The following LAMA4 variants were observed in gnomAD, a reference collection of about 807,000 sequenced individuals.
The protein encoded by LAMA4 is laminin subunit alpha 4.
In LAMA4, 127 loss-of-function variants were observed where a neutral mutation model predicts 207.1. The ratio of observed to expected loss-of-function variants is 0.61; its 90% confidence interval spans 0.53 to 0.71. LAMA4 has a LOEUF of 0.71. LAMA4 is among the 30% of genes least tolerant of loss of function. The probability of loss-of-function intolerance (pLI) is 0.00; values close to 1 mark genes in which losing one functional copy is unlikely to be tolerated. For missense variants in LAMA4, 2,093 were observed against 2,246.5 expected (o/e 0.93, Z 1.38); for synonymous variants, 761 against 816.0 (o/e 0.93, Z 1.15).
intron 31 of LAMA4, among the ~76,000 whole-genome samples, chr6:112,124,240 C>T (rs1390050756): frequency 3.9e-5 from 6 of 152,168 alleles, no homozygotes; most frequent in Non-Finnish European, 8.8e-5. Flanking sequence ...TGGAAAGGAT[C>T]TCACGCTTTC....
rs1786583427 is a variant in LAMA4, at chr6:112,242,419, C to T, written c.195+11537G>A. ...GGTCTTCCTCCATAATTATATCAAA[C>T]ATTTTTGCCATTTTCTGCATTTGCA... On this transcript the variant is annotated intron_variant, in intron 2 of 38. Transcript: ENST00000230538. Among the ~76,000 whole-genome samples the T allele has an allele frequency of 2.6e-5, 4 of 152,314 alleles. No individual in the cohort carries two copies. In the South Asian group the frequency reaches 8.3e-4, roughly 32 times the overall value.
At chr6:112,225,488 C>T (rs1473790183) in intron 2 of LAMA4, among the ~76,000 whole-genome samples, 2 of 152,310 alleles carry the variant, frequency 1.3e-5, no homozygotes, top group African/African-American at 2.4e-5. Flanking sequence ...CATAGAATGA[C>T]ACAATGTAAG....
At chr6:112,230,308 C>T (rs1454148075) in intron 2 of LAMA4, among the ~76,000 whole-genome samples, 1 of 152,208 alleles carries the variant, frequency 6.6e-6, no homozygotes, top group Non-Finnish European at 1.5e-5. Flanking sequence ...ACATGACACA[C>T]TGCAATCTGT....
At chr6:112,230,845 C>T (rs1785517781) in intron 2 of LAMA4, among the ~76,000 whole-genome samples, 2 of 152,200 alleles carry the variant, frequency 1.3e-5, no homozygotes, top group African/African-American at 4.8e-5. Context: ...TACAGAAACA[C>T]AGAATGCCAG....
rs557829319 is a variant in LAMA4, at chr6:112,139,011, T to A, written c.3282+109A>T. Reference sequence around the variant, plus strand: ...TCCAATTTGACTTTCTAAACTAGAATTTCAGTTTGATGGCATGACACACTA... The same window carrying A: ...TCCAATTTGACTTTCTAAACTAGAAATTCAGTTTGATGGCATGACACACTA... On this transcript the variant is annotated intron_variant, in intron 24 of 38. Coordinates refer to ENST00000230538, the MANE Select transcript of LAMA4 (RefSeq NM_001105206.3). 4 of 1,129,062 alleles carry A rather than the reference T, an allele frequency of 3.5e-6. No homozygotes were observed. The Admixed American group carries it at 7.2e-5, about 20-fold the overall frequency. 69.9% of individuals were successfully genotyped at this position (1,129,062 alleles called of 1,614,324 possible).
At chr6:112,213,129 T>C (rs1173110756) in intron 3 of LAMA4, among the ~76,000 whole-genome samples, 1 of 152,184 alleles carries the variant, frequency 6.6e-6, no homozygotes, top group Non-Finnish European at 1.5e-5. Context: ...AAAAGGAAAA[T>C]GAGGAGCCCT....
intron 2 of LAMA4, among the ~76,000 whole-genome samples, chr6:112,244,269 A>G (rs1238858076): frequency 2.0e-5 from 3 of 152,228 alleles, no homozygotes; most frequent in African/African-American, 7.2e-5. Context: ...CATGCTAATT[A>G]TAATACATTA....
rs191225599 is a variant in LAMA4, at chr6:112,163,064, C to T, written c.1668+2096G>A. On this transcript the variant is annotated intron_variant, in intron 13 of 38. Coordinates refer to ENST00000230538, the MANE Select transcript of LAMA4 (RefSeq NM_001105206.3). ...ACGGCTCACTGCAGCCTGCACTTCC[C>T]GGGCTCAAGTGATCCTCCCATCTCA... 3.8e-3 allele frequency among the ~76,000 whole-genome samples: 578 copies of T among 151,118 alleles called. 6 individuals are homozygous for T. Among genetic ancestry groups the T allele is most frequent in the Non-Finnish European group, 4.1e-3 (275 of 67,836 alleles).
rs782048869 is a variant in LAMA4 at position 112,140,896 on chromosome 6, A to G, written c.2840T>C (p.Leu947Ser). ...TGTGCTACTTAGACTCGGGACTGTTAAAAACACCTTTCCATGTTTTCCCAC... is the reference window on the plus strand; with the variant it reads ...TGTGCTACTTAGACTCGGGACTGTTGAAAACACCTTTCCATGTTTTCCCAC... The part of the protein sequence containing the change: ...ERVGKHGKVF[L>S]TVPSLSSTAE... Residue 947 changes from leucine to serine, a missense_variant, in exon 22 of 39, where the codon TTA becomes TCA. This residue lies in a region of LAMA4 where 1,704 missense variants were observed against 1,788.4 expected (regional missense o/e 0.95). Transcript: ENST00000230538. 5 of 1,613,706 alleles carry G rather than the reference A, an allele frequency of 3.1e-6. No homozygotes were observed. In the South Asian group the frequency reaches 5.5e-5, roughly 18 times the overall value.
chr6:112,188,282 T>C (rs888011711), intron 7 of LAMA4, among the ~76,000 whole-genome samples: 1 of 152,244 alleles, frequency 6.6e-6, no homozygotes, highest in African/African-American at 2.4e-5. Context: ...GTTTTACTTA[T>C]AAGCTCTCTC....
chr6:112,144,843 A>T lies in LAMA4; in HGVS notation c.2444T>A (p.Ile815Asn). The change falls in exon 19 of 39, where the codon ATC becomes AAC. Residue 815 changes from isoleucine (I) to asparagine (N), a missense_variant. Ile to Asn is a moderately radical substitution (Grantham distance 149). This residue lies in a region of LAMA4 where 1,704 missense variants were observed against 1,788.4 expected (regional missense o/e 0.95). Coordinates refer to ENST00000230538, the MANE Select transcript of LAMA4 (RefSeq NM_001105206.3). The stretch of plus-strand genomic sequence containing the variant: ...AGCAATGAGCTCTCGGATCCTCTGG[A>T]TGCTGGCAGAAACGTTGCTTGCAGG... ...KRPASNVSAS[I>N]QRIRELIAQT... is the part of the protein sequence containing the mutation. 2 of 1,613,958 alleles carry T rather than the reference A, an allele frequency of 1.2e-6. No individual in the cohort carries two copies. The highest frequency in any genetic ancestry group is 1.1e-5 in the South Asian group (1 of 91,078).
chr6:112,239,721 A>AT (rs1470383802), intron 2 of LAMA4, among the ~76,000 whole-genome samples: 3 of 152,094 alleles, frequency 2.0e-5, no homozygotes, highest in Non-Finnish European at 2.9e-5. Flanking sequence ...TTTCAGACAA[A>AT]TTGTTTTATA....
At chr6:112,197,572 AAACCAAAAT>A (rs1402768864) in intron 5 of LAMA4, among the ~76,000 whole-genome samples, 2 of 152,226 alleles carry the variant, frequency 1.3e-5, no homozygotes, top group Non-Finnish European at 2.9e-5. Context: ...CATGTCTTGA[AAACCAAAAT>A]AAATTTTCAA....
chr6:112,158,917 G>A, intron 13 of LAMA4, 37 bp from the exon 14 acceptor site: 2 of 1,425,342 alleles, frequency 1.4e-6, no homozygotes, highest in Non-Finnish European at 2.0e-6. Context: ...ATTGAATTTA[G>A]AAGAACTTAA....
At chr6:112,182,229 C>A (rs572348047) in intron 9 of LAMA4, among the ~76,000 whole-genome samples, 1 of 152,220 alleles carries the variant, frequency 6.6e-6, no homozygotes, top group Non-Finnish European at 1.5e-5. Context: ...CCCACAGATA[C>A]CAAAATTCAT....
intron 2 of LAMA4, among the ~76,000 whole-genome samples, chr6:112,240,720 A>G (rs1204940865): frequency 9.2e-5 from 14 of 152,084 alleles, no homozygotes; most frequent in Admixed American, 6.5e-4. Context: ...AGATGGCTGG[A>G]TCTCATTTTT....
chr6:112,253,863 G>A (rs1157745211), intron 2 of LAMA4, 93 bp downstream of exon 2: 1 of 1,614,124 alleles, frequency 6.2e-7, no homozygotes, highest in Non-Finnish European at 8.5e-7. Context: ...ACTGGGGAGA[G>A]GAAAGAGGCG....
At chr6:112,153,959 T>C (rs1392414116) in intron 16 of LAMA4, among the ~76,000 whole-genome samples, 1 of 152,096 alleles carries the variant, frequency 6.6e-6, no homozygotes, top group Non-Finnish European at 1.5e-5. Flanking sequence ...TTGCAAAAGA[T>C]AAAGAAAATG....
At chr6:112,216,835 TAA>T in intron 2 of LAMA4, 1 of 329,572 alleles carries the variant, frequency 3.0e-6, no homozygotes, top group South Asian at 2.6e-5. Context: ...AGACCACAAT[TAA>T]GTATTAGTCA....
Sources: gnomAD v4.1 joint callset for allele counts (sites outside exome capture counted in the v4.1 genomes callset) on GRCh38, gnomAD v4.1.1 for gene constraint, gnomAD v4.1.1 regional missense constraint, MANE v1.5 for transcripts, NCBI Gene and HGNC (gene_info 2026-07-23, HGNC 2026-07-21) for gene names.